The following FHOD3 variants were observed in gnomAD, a reference collection of about 807,000 sequenced individuals.
FHOD3 encodes formin homology 2 domain containing 3.
Under a neutral mutation model 173.0 loss-of-function variants are expected in FHOD3, and 90 were observed. The ratio of observed to expected loss-of-function variants is 0.52; its 90% CI spans 0.44 to 0.62. FHOD3 has a LOEUF of 0.62. FHOD3 is among the 20% of genes least tolerant of loss of function. The probability of loss-of-function intolerance (pLI) is 0.00; values close to 1 mark genes in which losing one functional copy is unlikely to be tolerated. For missense variants in FHOD3, 1,945 were observed against 2,034.7 expected, an observed-to-expected ratio of 0.96 and a Z score of 0.85; for synonymous variants, 828 against 823.0, an observed-to-expected ratio of 1.01 and a Z score of -0.10.
intron 17 of FHOD3, among the ~76,000 whole-genome samples, chr18:36,703,857 C>A (rs368458810): frequency 1.3e-5 from 2 of 152,200 alleles, no homozygotes; most frequent in Non-Finnish European, 2.9e-5. Flanking sequence ...TATATTCTTA[C>A]ACCTAAGAAA....
At chr18:36,719,599 A>G (rs1203422870) in intron 19 of FHOD3, among the ~76,000 whole-genome samples, 8 of 152,246 alleles carry the variant, frequency 5.3e-5, no homozygotes, top group Non-Finnish European at 1.0e-4. Context: ...GCACTTTGTA[A>G]AGCATAATTT....
chr18:36,776,902 G>A (rs535713906), intron 28 of FHOD3, among the ~76,000 whole-genome samples: 6 of 152,316 alleles, frequency 3.9e-5, no homozygotes, highest in Non-Finnish European at 7.3e-5. Context: ...AATGTCCGAA[G>A]CTATTAAAAG....
chr18:36,466,009 C>T (rs1030114400), intron 3 of FHOD3, among the ~76,000 whole-genome samples: 12 of 152,162 alleles, frequency 7.9e-5, no homozygotes, highest in Non-Finnish European at 1.2e-4. Flanking sequence ...GGCTTTCTCA[C>T]CTCCTTGTAT....
At chr18:36,609,607 CTTTTTTTTTTT>C (rs1181851197) in intron 8 of FHOD3, among the ~76,000 whole-genome samples, 1 of 118,190 alleles carries the variant, frequency 8.5e-6, no homozygotes, top group South Asian at 2.8e-4. Flanking sequence ...CTTTTTAGTT[CTTTTTTTTTTT>C]TTTTTTTTTG....
chr18:36,309,638 G>A (rs2092200168), intron 1 of FHOD3, among the ~76,000 whole-genome samples: 1 of 152,150 alleles, frequency 6.6e-6, no homozygotes, highest in Non-Finnish European at 1.5e-5. Flanking sequence ...GCCAGTGCCC[G>A]GAAGTGAGAG....
intron 5 of FHOD3, among the ~76,000 whole-genome samples, chr18:36,550,174 T>A (rs1413606427): frequency 1.3e-5 from 2 of 150,298 alleles, no homozygotes; most frequent in Non-Finnish European, 3.0e-5. Context: ...AAAATCACTT[T>A]GTGTGTGTGT....
intron 14 of FHOD3, among the ~76,000 whole-genome samples, chr18:36,669,059 G>A (rs1160521424): frequency 6.6e-6 from 1 of 151,928 alleles, no homozygotes; most frequent in African/African-American, 2.4e-5. Context: ...TACTGAGAGA[G>A]TAATAAACTG....
rs887940101 is a variant in FHOD3 at position 36,602,564 on chromosome 18, T to C, written c.719-110T>C. 3.6e-6 allele frequency: 3 copies of C among 825,300 alleles called. No homozygotes were observed. The African/African-American group carries it at 5.1e-5, about 14-fold the overall frequency. The allele number at this position is 825,300 out of a possible 1,614,324, so 51.1% of individuals were successfully genotyped here. On this transcript the variant is annotated intron_variant, in intron 7 of 28. Transcript: ENST00000590592. ...ATGTCACACTTTGAAATTTGGTGACTGAAAGACGCTGCCATCACTGGATAC... is the reference window on the plus strand; with the variant it reads ...ATGTCACACTTTGAAATTTGGTGACCGAAAGACGCTGCCATCACTGGATAC...
intron 17 of FHOD3, among the ~76,000 whole-genome samples, chr18:36,707,613 G>C (rs2039953897): frequency 6.6e-6 from 1 of 152,164 alleles, no homozygotes; most frequent in East Asian, 1.9e-4. Flanking sequence ...TGAGTTGCTG[G>C]GAAGCTGGGG....
rs1318440048 is a variant in FHOD3 at position 36,744,082 on chromosome 18, C to T, written c.3930C>T (p.Asp1310=). The T allele has an allele frequency of 5.0e-6, 8 of 1,614,204 alleles. No individual in the cohort carries two copies. Among genetic ancestry groups the T allele is most frequent in the East Asian group, 2.2e-5 (1 of 44,878 alleles). ...SYLEKVPEVK[D]TVHKQSLLHH... is the part of the protein sequence containing the mutation. ...TCGAGAAGGTTCCAGAAGTCAAAGA[C>T]ACAGTGCACAAGCAGTCGCTTCTCC... The change falls in exon 23 of 29, where the codon GAC becomes GAT. Residue 1310 remains aspartate (D), a synonymous_variant. Transcript: ENST00000590592.
intron 5 of FHOD3, among the ~76,000 whole-genome samples, chr18:36,520,656 T>A (rs1223093657): frequency 6.6e-6 from 1 of 152,190 alleles, no homozygotes; most frequent in Non-Finnish European, 1.5e-5. Context: ...TGCCTCCGAG[T>A]GCTTCAGCTT....
chr18:36,682,559 A>G (rs758607806), intron 15 of FHOD3, among the ~76,000 whole-genome samples: 1 of 152,154 alleles, frequency 6.6e-6, no homozygotes, highest in Admixed American at 6.6e-5. Flanking sequence ...GAGGATTTAC[A>G]GATTTAATAA....
chr18:36,358,815 T>G (rs896179636), intron 2 of FHOD3, among the ~76,000 whole-genome samples: 4 of 152,162 alleles, frequency 2.6e-5, no homozygotes, highest in African/African-American at 9.7e-5. Flanking sequence ...TATTTTTTTG[T>G]AGAGACGGGG....
rs571190184 is a variant in FHOD3, at chr18:36,709,152, C to T, written c.2294C>T (p.Ala765Val). Residue 765 changes from alanine to valine, a missense_variant, in exon 18 of 29, where the codon GCG becomes GTG. Around this residue, in one of 5 missense-constraint regions of FHOD3, gnomAD observed 1,099 missense variants for 1,051.2 expected, o/e 1.05. Transcript: ENST00000590592. The stretch of plus-strand genomic sequence containing the variant: ...GCAGAACCGGAAGCAGAGGCAGGGG[C>T]GGGGCAGGTTGCTGATGAAGCTGGC... ...SEAEPEAEAG[A>V]GQVADEAGQD... 33 of 1,613,726 alleles carry T rather than the reference C, an allele frequency of 2.0e-5. No individual in the cohort carries two copies. The highest frequency in any genetic ancestry group is 7.7e-5 in the South Asian group (7 of 91,074).
rs892325364 is a variant in FHOD3, at chr18:36,648,711, A to G, written c.1197-605A>G. Among the ~76,000 whole-genome samples the G allele has an allele frequency of 3.9e-5, 6 of 152,258 alleles. 1 individual carries two copies. Among genetic ancestry groups the G allele is most frequent in the African/African-American group, 1.4e-4 (6 of 41,542 alleles). On this transcript the variant is annotated intron_variant, in intron 10 of 28. Transcript: ENST00000590592. ...GATATGAATTGGCCCCACTTGGACT[A>G]TGTGCTACCCTTGAAGTGGGAGTGG...
chr18:36,763,704 G>T (rs1386890142), intron 27 of FHOD3, among the ~76,000 whole-genome samples: 2 of 150,886 alleles, frequency 1.3e-5, no homozygotes, highest in Non-Finnish European at 2.9e-5. Context: ...ATATATATAT[G>T]TATGGATTCT....
At chr18:36,503,667 G>C (rs2055152563) in intron 4 of FHOD3, among the ~76,000 whole-genome samples, 1 of 152,188 alleles carries the variant, frequency 6.6e-6, no homozygotes, top group Non-Finnish European at 1.5e-5. Flanking sequence ...AATTGCAGCA[G>C]CTATTCATGG....
At chr18:36,520,103 A>G (rs1225058883) in intron 5 of FHOD3, among the ~76,000 whole-genome samples, 3 of 151,970 alleles carry the variant, frequency 2.0e-5, no homozygotes, top group Non-Finnish European at 4.4e-5. Flanking sequence ...AACCATAGGC[A>G]TGTACCACCA....
chr18:36,717,741 C>G (rs2040537067), intron 18 of FHOD3, 91 bp from the exon 19 acceptor site: 1 of 1,488,998 alleles, frequency 6.7e-7, no homozygotes, highest in Non-Finnish European at 8.9e-7. Flanking sequence ...AAGTCACTCC[C>G]ATGTGTCAGG....
Sources: allele counts gnomAD v4.1 joint callset (sites outside exome capture counted in the v4.1 genomes callset), GRCh38; gene constraint gnomAD v4.1.1; regional missense constraint gnomAD v4.1.1; transcripts MANE v1.5; gene names NCBI Gene and HGNC (gene_info 2026-07-23, HGNC 2026-07-21).